Variants in DEK observed in about 807,000 individuals in gnomAD.
DEK encodes protein DEK.
Under a neutral mutation model 46.8 loss-of-function variants are expected in DEK, and 28 were observed. The ratio of observed to expected loss-of-function variants is 0.60; its 90% CI spans 0.44 to 0.82. DEK has a LOEUF of 0.82. Ranked by LOEUF, DEK falls within the 40% of genes least tolerant of loss-of-function variation. The pLI is 0.00. For synonymous variants in DEK, 160 were observed against 144.5 expected, an observed-to-expected ratio of 1.11 and a Z score of -0.77; for missense variants, 416 against 430.6, an observed-to-expected ratio of 0.97 and a Z score of 0.30.
chr6:18,244,405 G>C lies in DEK; in HGVS notation c.762+5246C>G, dbSNP rs922799755. On this transcript the variant is annotated intron_variant, in intron 7 of 10. Coordinates refer to ENST00000652689, the MANE Select transcript of DEK (RefSeq NM_003472.4). ...TACAGAAGTTTCAAAAACGTGAAGG[G>C]GATTCTCCCTGTCTCTGATAACCAT... is the stretch of plus-strand genomic sequence containing the variant. 1.8e-5 allele frequency: 9 copies of C among 503,388 alleles called. 1 individual carries two copies. The Admixed American group carries it at 3.3e-4, about 18-fold the overall frequency. 31.2% of individuals were successfully genotyped at this position (503,388 alleles called of 1,614,324 possible).
At chr6:18,227,342 C>T (rs956152465) in intron 9 of DEK, among the ~76,000 whole-genome samples, 9 of 152,126 alleles carry the variant, frequency 5.9e-5, no homozygotes, top group Admixed American at 6.5e-5. Flanking sequence ...GTGGGACATG[C>T]GGGCAGTAAT....
rs143664686 is a variant in DEK at position 18,256,349 on chromosome 6, A to T, written c.452+12T>A. On this transcript the variant is annotated intron_variant, in intron 5 of 10. Transcript: ENST00000652689. ...TATTGATCAAAATACAGTATTTATA[A>T]AAATAACTTACTTTTTCAACATTTC... 18,991 of 1,591,266 alleles carry T rather than the reference A, an allele frequency of 0.012. 146 individuals are homozygous for T. Among genetic ancestry groups the T allele is most frequent in the Middle Eastern group, 0.019 (115 of 5,970 alleles).
chr6:18,246,274 C>T lies in DEK; in HGVS notation c.762+3377G>A, dbSNP rs540282854. Among the ~76,000 whole-genome samples, 39 of 152,316 alleles carry T rather than the reference C, an allele frequency of 2.6e-4. 1 individual carries two copies. Among genetic ancestry groups the T allele is most frequent in the Admixed American group, 2.4e-3 (36 of 15,298 alleles). ...ATCCACCACTTCCTTCCCAATTGCT[C>T]TCCTTTTACTGTTCTAAAAAGCCAA... On this transcript the variant is annotated intron_variant, in intron 7 of 10. Coordinates refer to ENST00000652689, the MANE Select transcript of DEK (RefSeq NM_003472.4).
intron 9 of DEK, among the ~76,000 whole-genome samples, chr6:18,227,422 A>G (rs1220128943): frequency 6.6e-6 from 1 of 152,106 alleles, no homozygotes; most frequent in Non-Finnish European, 1.5e-5. Context: ...TACCTTGACT[A>G]TGATGCAGAG....
In DEK at chr6:18,236,516, G is replaced by T. The variant is rs1561977611; in HGVS notation, c.983C>A (p.Thr328Lys). The T allele has an allele frequency of 6.2e-7, 1 of 1,604,694 alleles. No homozygotes were observed. Among genetic ancestry groups the T allele is most frequent in the Non-Finnish European group, 8.5e-7 (1 of 1,177,070 alleles). Residue 328 changes from threonine to lysine, a missense_variant, in exon 9 of 11, where the codon ACA (threonine) becomes AAA (lysine). Transcript: ENST00000652689. ...KPPTDEELKE[T>K]IKKLLASANL... ...AGCACTGGCCAGTAATTTCTTTATT[G>T]TTTCCTTTAACTCTTCATCTGTAGG... is the stretch of plus-strand genomic sequence containing the variant.
At chr6:18,251,375 AG>A (rs1328334645) in intron 6 of DEK, among the ~76,000 whole-genome samples, 1 of 152,184 alleles carries the variant, frequency 6.6e-6, no homozygotes, top group Non-Finnish European at 1.5e-5. Flanking sequence ...CCTCCAGTCT[AG>A]GGGTCACTGT....
At chr6:18,259,106 G>A (rs149896756) in intron 2 of DEK, among the ~76,000 whole-genome samples, 4,152 of 151,956 alleles carry the variant, frequency 0.027, 175 homozygotes, top group African/African-American at 0.094. Context: ...TGAGGCGGGC[G>A]GATAACGAGG....
chr6:18,240,310 C>T (rs1790845175), intron 7 of DEK, among the ~76,000 whole-genome samples: 1 of 152,306 alleles, frequency 6.6e-6, no homozygotes. Flanking sequence ...GACAACCAGG[C>T]CTGTCATCTA....
chr6:18,242,454 G>C (rs1790932131), intron 7 of DEK, among the ~76,000 whole-genome samples: 1 of 152,218 alleles, frequency 6.6e-6, no homozygotes, highest in Non-Finnish European at 1.5e-5. Context: ...ACCATAGTCT[G>C]AAAATATTAA....
At chr6:18,260,365 T>C (rs981485391) in intron 2 of DEK, among the ~76,000 whole-genome samples, 1 of 152,198 alleles carries the variant, frequency 6.6e-6, no homozygotes, top group African/African-American at 2.4e-5. Flanking sequence ...CCCACAGATA[T>C]GGAGAGCCAA....
intron 7 of DEK, among the ~76,000 whole-genome samples, chr6:18,245,474 T>A (rs1018831547): frequency 2.0e-5 from 3 of 152,056 alleles, no homozygotes; most frequent in East Asian, 1.9e-4. Flanking sequence ...AACATTCAGA[T>A]AAATTCTAAA....
In DEK at chr6:18,224,910, T is replaced by A; in HGVS notation, c.*809A>T. 1 of 213,486 alleles carries A rather than the reference T, an allele frequency of 4.7e-6. No homozygotes were observed. The highest frequency in any genetic ancestry group is 9.5e-6 in the Non-Finnish European group (1 of 105,196). The allele number at this position is 213,486 out of a possible 1,614,324, so 13.2% of individuals were successfully genotyped here. ...CGTACCTACAGACACTTTTACAGAG[T>A]TAATACTAAAATTACAAATTGATGA... is the stretch of plus-strand genomic sequence containing the variant. On this transcript the variant is annotated 3_prime_UTR_variant, in exon 11 of 11. Transcript: ENST00000652689.
At chr6:18,255,993 C>T (rs77143140) in intron 5 of DEK, 142 bp from the exon 6 acceptor site, 15 of 717,544 alleles carry the variant, frequency 2.1e-5, no homozygotes, top group East Asian at 1.1e-4. Context: ...AATCTTTTTT[C>T]TTTTTTTTTT....
chr6:18,263,009 C>T (rs571323604), intron 2 of DEK, among the ~76,000 whole-genome samples: 20 of 152,198 alleles, frequency 1.3e-4, no homozygotes, highest in African/African-American at 4.3e-4. Flanking sequence ...TACGAAATAA[C>T]CGCAGACTAA....
In DEK at chr6:18,236,516, GTTTCCT is replaced by G. The variant is rs1561977620; in HGVS notation, c.977_982del (p.Lys326_Glu327del). 6.2e-7 allele frequency: 1 copy of G among 1,604,694 alleles called. No individual in the cohort carries two copies. Among genetic ancestry groups the G allele is most frequent in the Admixed American group, 1.7e-5 (1 of 57,942 alleles). ...AGCACTGGCCAGTAATTTCTTTATT[GTTTCCT>G]TTAACTCTTCATCTGTAGGGGGTTT... On this transcript the variant is annotated inframe_deletion, in exon 9 of 11. Transcript: ENST00000652689.
At chr6:18,250,397 A>T (rs575398641) in intron 6 of DEK, among the ~76,000 whole-genome samples, 70 of 152,104 alleles carry the variant, frequency 4.6e-4, no homozygotes, top group African/African-American at 1.6e-3. Context: ...TGAACCCAGG[A>T]GGCAGAGTTT....
At chr6:18,243,471 T>C (rs1013572186) in intron 7 of DEK, among the ~76,000 whole-genome samples, 2 of 152,144 alleles carry the variant, frequency 1.3e-5, no homozygotes, top group African/African-American at 4.8e-5. Context: ...GGGTTCAACC[T>C]ACATTACCTT....
At chr6:18,231,481 A>G (rs1374652349) in intron 9 of DEK, among the ~76,000 whole-genome samples, 4 of 152,314 alleles carry the variant, frequency 2.6e-5, no homozygotes, top group East Asian at 1.9e-4. Flanking sequence ...AGCAAGACTA[A>G]TAAGAAAAGA....
intron 6 of DEK, among the ~76,000 whole-genome samples, chr6:18,253,487 A>C (rs759790218): frequency 6.6e-6 from 1 of 152,202 alleles, no homozygotes; most frequent in Non-Finnish European, 1.5e-5. Context: ...CATTTGGAAG[A>C]CATAATTCAG....
Sources: gnomAD v4.1 joint callset for allele counts (sites outside exome capture counted in the v4.1 genomes callset) on GRCh38, gnomAD v4.1.1 for gene constraint, MANE v1.5 for transcripts, NCBI Gene and HGNC (gene_info 2026-07-23, HGNC 2026-07-21) for gene names.